NPAS3: variants seen among roughly 807,000 people sequenced by gnomAD.
NPAS3 encodes the protein neuronal PAS domain-containing protein 3.
Under a neutral mutation model 73.1 loss-of-function variants are expected in NPAS3, and 14 were observed. The ratio of observed to expected loss-of-function variants is 0.19; its 90% CI spans 0.13 to 0.30. The LOEUF (loss-of-function observed/expected upper bound fraction) is 0.30. NPAS3 is among the 10% of genes least tolerant of loss of function. The probability of loss-of-function intolerance (pLI) is 1.00; values close to 1 mark genes in which losing one functional copy is unlikely to be tolerated. For missense variants in NPAS3, 1,096 were observed against 1,250.0 expected, an observed-to-expected ratio of 0.88 and a Z score of 1.86; for synonymous variants, 620 against 541.5, an observed-to-expected ratio of 1.14 and a Z score of -2.01.
intron 3 of NPAS3, among the ~76,000 whole-genome samples, chr14:33,364,754 C>T (rs1037347907): frequency 4.6e-5 from 7 of 152,004 alleles, no homozygotes; most frequent in African/African-American, 1.7e-4. Context: ...CCATCAGTAG[C>T]CAGACTTGAA....
chr14:33,334,460 T>A (rs1018119448), intron 3 of NPAS3, among the ~76,000 whole-genome samples: 1 of 152,170 alleles, frequency 6.6e-6, no homozygotes, highest in East Asian at 1.9e-4. Flanking sequence ...AGAAAATTCA[T>A]GTAAGTGTAA....
intron 5 of NPAS3, among the ~76,000 whole-genome samples, chr14:33,614,380 T>C (rs975120180): frequency 6.6e-6 from 1 of 152,218 alleles, no homozygotes; most frequent in Non-Finnish European, 1.5e-5. Context: ...TTGAGAACTA[T>C]ATTTGTGTAG....
chr14:33,413,500 G>A (rs1039483561), intron 4 of NPAS3, among the ~76,000 whole-genome samples: 1 of 152,000 alleles, frequency 6.6e-6, no homozygotes, highest in Admixed American at 6.6e-5. Context: ...TGAATATAAA[G>A]GCCCAGAGTG....
Position 33,681,348 on chromosome 14 carries a change from G to A in NPAS3, c.733+4963G>A, listed in dbSNP as rs564970607. Among the ~76,000 whole-genome samples the A allele has an allele frequency of 2.6e-5, 4 of 152,282 alleles. No individual in the cohort carries two copies. In the South Asian group the frequency reaches 8.3e-4, roughly 32 times the overall value. The stretch of plus-strand genomic sequence containing the variant: ...TTCTATCAATGAACTGAATTTAGAA[G>A]TTAGGCAAGGGAAACCATCTTACTA... On this transcript the variant is annotated intron_variant, in intron 6 of 11. Coordinates refer to ENST00000356141, the Ensembl canonical transcript of NPAS3.
At chr14:33,457,835 A>C (rs1201026075) in intron 4 of NPAS3, among the ~76,000 whole-genome samples, 1 of 152,058 alleles carries the variant, frequency 6.6e-6, no homozygotes, top group Non-Finnish European at 1.5e-5. Flanking sequence ...GTCTCCTTTT[A>C]CTAAGGTGGG....
At chr14:33,723,705 A>C (rs2061179948) in intron 6 of NPAS3, among the ~76,000 whole-genome samples, 1 of 103,390 alleles carries the variant, frequency 9.7e-6, no homozygotes, top group Non-Finnish European at 1.9e-5. Flanking sequence ...TTGCTTCAAT[A>C]CTTCCTCTCA....
chr14:33,571,793 T>C (rs1428063572), intron 5 of NPAS3, among the ~76,000 whole-genome samples: 3 of 152,344 alleles, frequency 2.0e-5, no homozygotes, highest in African/African-American at 7.2e-5. Context: ...GTTGGCAGAT[T>C]ATCTGAAATA....
intron 6 of NPAS3, among the ~76,000 whole-genome samples, chr14:33,733,027 G>A (rs2140633446): frequency 6.6e-6 from 1 of 152,276 alleles, no homozygotes; most frequent in East Asian, 1.9e-4. Flanking sequence ...TCCCTTACTG[G>A]GTCAGGGGCT....
chr14:33,162,392 G>A (rs916748012), intron 2 of NPAS3, among the ~76,000 whole-genome samples: 8 of 152,000 alleles, frequency 5.3e-5, no homozygotes, highest in East Asian at 1.9e-4. Context: ...TTTAATATGC[G>A]TTTCACACTG....
At chr14:33,567,278 T>C (rs1045574407) in intron 5 of NPAS3, among the ~76,000 whole-genome samples, 1 of 152,192 alleles carries the variant, frequency 6.6e-6, no homozygotes, top group African/African-American at 2.4e-5. Flanking sequence ...TAATTCTGAG[T>C]GAACAAGACG....
chr14:33,108,194 G>GA (rs1466338723), intron 2 of NPAS3, among the ~76,000 whole-genome samples: 2 of 94,750 alleles, frequency 2.1e-5, no homozygotes, highest in African/African-American at 8.4e-5. Context: ...TTATTGTTCT[G>GA]ATTTTTTTTT....
At chr14:33,050,368 C>T (rs1483820990) in intron 1 of NPAS3, among the ~76,000 whole-genome samples, 2 of 152,170 alleles carry the variant, frequency 1.3e-5, no homozygotes, top group Admixed American at 1.3e-4. Context: ...TCCAAGCCAA[C>T]ATTTTAGATG....
intron 3 of NPAS3, among the ~76,000 whole-genome samples, chr14:33,216,130 G>A (rs991639390): frequency 2.0e-5 from 3 of 152,186 alleles, no homozygotes; most frequent in Middle Eastern, 3.4e-3. Flanking sequence ...TTATGTATAT[G>A]TGGTGTTGGC....
At chr14:33,526,265 T>C (rs2053797243) in intron 4 of NPAS3, among the ~76,000 whole-genome samples, 2 of 148,824 alleles carry the variant, frequency 1.3e-5, no homozygotes, top group Admixed American at 6.7e-5. Context: ...TACCAGTAAA[T>C]AATAAACTCA....
At chr14:33,042,817 A>G (rs2040387812) in intron 1 of NPAS3, among the ~76,000 whole-genome samples, 1 of 152,152 alleles carries the variant, frequency 6.6e-6, no homozygotes, top group Non-Finnish European at 1.5e-5. Context: ...CACAGTGTTT[A>G]TTTAGAGACA....
At chr14:33,178,531 T>C (rs1207840251) in intron 2 of NPAS3, among the ~76,000 whole-genome samples, 5 of 152,234 alleles carry the variant, frequency 3.3e-5, no homozygotes, top group African/African-American at 1.2e-4. Flanking sequence ...TAGTTTTCAA[T>C]GTACAAGTAT....
At chr14:32,998,424 G>T (rs1371559361) in intron 1 of NPAS3, among the ~76,000 whole-genome samples, 1 of 152,092 alleles carries the variant, frequency 6.6e-6, no homozygotes. Flanking sequence ...TTTTTTTGGG[G>T]TGATGAAACT....
chr14:33,332,192 G>A (rs1363781808), intron 3 of NPAS3, among the ~76,000 whole-genome samples: 1 of 152,148 alleles, frequency 6.6e-6, no homozygotes, highest in Non-Finnish European at 1.5e-5. Flanking sequence ...TTCCCAAAGC[G>A]ATTTTATTTC....
At chr14:33,791,598 G>A (rs754921437) in intron 9 of NPAS3, among the ~76,000 whole-genome samples, 2 of 152,332 alleles carry the variant, frequency 1.3e-5, no homozygotes, top group East Asian at 1.9e-4. Context: ...CGTTTGGCTG[G>A]ATGTCTATTT....
Sources: allele counts gnomAD v4.1 joint callset (sites outside exome capture counted in the v4.1 genomes callset), GRCh38; gene constraint gnomAD v4.1.1; transcripts MANE v1.5; gene names NCBI Gene and HGNC (gene_info 2026-07-23, HGNC 2026-07-21).